CCDC171: variants seen among roughly 807,000 people sequenced by gnomAD.
The protein encoded by CCDC171 is coiled-coil domain containing 171.
Under a neutral mutation model 168.2 loss-of-function variants are expected in CCDC171, and 177 were observed. That is an observed-to-expected ratio of 1.05 (90% CI 0.93 to 1.19). The LOEUF (loss-of-function observed/expected upper bound fraction) is 1.19. CCDC171 is among the 50% of genes most tolerant of loss of function. CCDC171 has a pLI of 0.00. For synonymous variants in CCDC171, 687 were observed against 540.8 expected (o/e 1.27, Z -3.75); for missense variants, 1,991 against 1,539.0 (o/e 1.29, Z -4.91).
intron 24 of CCDC171, chr9:15,876,188 C>G (rs1253373506): frequency 2.6e-5 from 4 of 152,112 alleles, no homozygotes; most frequent in African/African-American, 9.7e-5. Context: ...ACAGTTTAAA[C>G]TACTGTCTTT....
intron 2 of CCDC171, among the ~76,000 whole-genome samples, chr9:15,564,507 T>C (rs2039567485): frequency 6.6e-6 from 1 of 152,276 alleles, no homozygotes; most frequent in African/African-American, 2.4e-5. Context: ...CCAGCTCTAA[T>C]TCATGGCTAC....
intron 7 of CCDC171, among the ~76,000 whole-genome samples, chr9:15,649,563 A>AC (rs1213286724): frequency 1.3e-5 from 2 of 152,184 alleles, no homozygotes; most frequent in Non-Finnish European, 2.9e-5. Context: ...AAAAAAACAA[A>AC]CAACCCCATC....
chr9:15,732,113 A>G (rs1441408488), intron 16 of CCDC171, among the ~76,000 whole-genome samples: 2 of 152,088 alleles, frequency 1.3e-5, no homozygotes, highest in Non-Finnish European at 2.9e-5. Context: ...ATGTATATGC[A>G]TCACAATATT....
intron 3 of CCDC171, among the ~76,000 whole-genome samples, chr9:16,017,086 G>T (rs1277290028): frequency 6.6e-6 from 1 of 152,166 alleles, no homozygotes; most frequent in East Asian, 1.9e-4. Flanking sequence ...ACCACAAAAG[G>T]TTATTGGTGG....
At chr9:16,079,006 C>G in the CCDC171 span, among the ~76,000 whole-genome samples, 2 of 152,138 alleles carry the variant, frequency 1.3e-5, no homozygotes, top group Non-Finnish European at 2.9e-5. Flanking sequence ...GAAAATAGAC[C>G]AAGGAGGTAA....
chr9:15,935,456 C>T (rs2132209736), intron 25 of CCDC171, among the ~76,000 whole-genome samples: 1 of 152,176 alleles, frequency 6.6e-6, no homozygotes, highest in South Asian at 2.1e-4. Flanking sequence ...ATTGAAGTTA[C>T]AAATACTGAT....
At chr9:15,859,205 C>T (rs7028328) in intron 23 of CCDC171, among the ~76,000 whole-genome samples, 1 of 151,900 alleles carries the variant, frequency 6.6e-6, no homozygotes, top group Admixed American at 6.6e-5. Flanking sequence ...ATTTTTGTAT[C>T]TTGAACCATT....
chr9:15,727,840 A>C (rs374483388), intron 14 of CCDC171, 29 bp from the exon 15 acceptor site: 1 of 1,577,936 alleles, frequency 6.3e-7, no homozygotes, highest in Admixed American at 1.8e-5. Context: ...TATATACAGC[A>C]ATTAATTTTT....
intron 24 of CCDC171, among the ~76,000 whole-genome samples, chr9:15,880,769 C>A (rs1818541110): frequency 6.6e-6 from 1 of 151,994 alleles, no homozygotes; most frequent in African/African-American, 2.4e-5. Context: ...AGCCACCACA[C>A]CCAGCCCAAA....
chr9:15,716,170 A>G (rs1351713305), intron 11 of CCDC171, among the ~76,000 whole-genome samples: 7 of 152,180 alleles, frequency 4.6e-5, no homozygotes, highest in Non-Finnish European at 8.8e-5. Flanking sequence ...GATACCTTAT[A>G]TTAAGCACAA....
chr9:15,902,840 T>A (rs1821912148), intron 24 of CCDC171, among the ~76,000 whole-genome samples: 1 of 152,176 alleles, frequency 6.6e-6, no homozygotes. Flanking sequence ...ACCCTAATAC[T>A]GCACTTTTCC....
chr9:15,785,932 C>G lies in CCDC171; in HGVS notation c.3267+1238C>G, dbSNP rs112952689. ...ATTTAGAGACTTCAATAAACTTGCC[C>G]AGGGTATCCTGTAAATGTTGAAACT... On this transcript the variant is annotated intron_variant, in intron 21 of 25. Transcript: ENST00000380701. Among the ~76,000 whole-genome samples the G allele has an allele frequency of 3.3e-4, 50 of 151,824 alleles. 3 individuals carry two copies. The highest frequency in any genetic ancestry group is 1.2e-3 in the African/African-American group (49 of 41,402).
intron 9 of CCDC171, among the ~76,000 whole-genome samples, chr9:15,671,139 T>A (rs774644901): frequency 3.3e-5 from 5 of 152,266 alleles, no homozygotes; most frequent in Admixed American, 1.3e-4. Context: ...CAGATGAGAA[T>A]AGTTAATAAT....
chr9:15,579,746 T>C (rs3129710), intron 4 of CCDC171, among the ~76,000 whole-genome samples: 1 of 152,052 alleles, frequency 6.6e-6, no homozygotes, highest in Non-Finnish European at 1.5e-5. Flanking sequence ...ATATTCTTTT[T>C]TTTCTGGCTT....
At chr9:16,010,314 ACTT>A (rs1832834320) in intron 3 of CCDC171, among the ~76,000 whole-genome samples, 1 of 152,150 alleles carries the variant, frequency 6.6e-6, no homozygotes, top group Admixed American at 6.6e-5. Flanking sequence ...TAAAATAAAA[ACTT>A]CTTGGACTGA....
At chr9:15,817,625 G>T (rs1283495722) in intron 21 of CCDC171, among the ~76,000 whole-genome samples, 1 of 118,244 alleles carries the variant, frequency 8.5e-6, no homozygotes, top group Non-Finnish European at 1.9e-5. Flanking sequence ...ATCAAACTGC[G>T]AGGTGGCAGG....
At chr9:15,656,673 A>G (rs184599640) in intron 7 of CCDC171, among the ~76,000 whole-genome samples, 16 of 152,354 alleles carry the variant, frequency 1.1e-4, no homozygotes, top group African/African-American at 2.6e-4. Context: ...ATACAACTCC[A>G]GAAAATGCAA....
chr9:15,713,288 A>G (rs530430529), intron 11 of CCDC171, among the ~76,000 whole-genome samples: 1 of 147,628 alleles, frequency 6.8e-6, no homozygotes, highest in Non-Finnish European at 1.5e-5. Context: ...TCACCATAAC[A>G]TACAGAACCA....
intron 7 of CCDC171, among the ~76,000 whole-genome samples, chr9:15,642,265 A>G (rs945223560): frequency 6.8e-6 from 1 of 148,138 alleles, no homozygotes; most frequent in South Asian, 2.2e-4. Context: ...CCTGTAGTAT[A>G]TATATGAACA....
Sources: allele counts gnomAD v4.1 joint callset (sites outside exome capture counted in the v4.1 genomes callset), GRCh38; gene constraint gnomAD v4.1.1; transcripts MANE v1.5; gene names NCBI Gene and HGNC (gene_info 2026-07-23, HGNC 2026-07-21).